The following STAB2 variants were observed in gnomAD, a reference collection of about 807,000 sequenced individuals.
STAB2 encodes stabilin-2.
Under a neutral mutation model 338.1 loss-of-function variants are expected in STAB2, and 288 were observed. The ratio of observed to expected loss-of-function variants is 0.85; its 90% confidence interval spans 0.77 to 0.94. The LOEUF is 0.94. STAB2 is among the 40% of genes least tolerant of loss of function. STAB2 has a pLI of 0.00. For missense variants in STAB2, 3,141 were observed against 3,210.1 expected (o/e 0.98, Z 0.52); for synonymous variants, 1,202 against 1,193.3 (o/e 1.01, Z -0.15).
At chr12:103,686,991 T>G (rs1877493578) in intron 27 of STAB2, among the ~76,000 whole-genome samples, 1 of 152,216 alleles carries the variant, frequency 6.6e-6, no homozygotes, top group Admixed American at 6.5e-5. Flanking sequence ...TTATTCACTT[T>G]CTTGCTAACT....
At chr12:103,682,328 C>T (rs1237217370) in intron 25 of STAB2, among the ~76,000 whole-genome samples, 1 of 152,136 alleles carries the variant, frequency 6.6e-6, no homozygotes, top group East Asian at 1.9e-4. Context: ...AGAAATCAGG[C>T]CAGGGGAGGA....
At chr12:103,741,867 CCATT>C (rs1276779011) in intron 55 of STAB2, among the ~76,000 whole-genome samples, 5 of 152,204 alleles carry the variant, frequency 3.3e-5, no homozygotes, top group African/African-American at 1.2e-4. Context: ...CATGCATACT[CCATT>C]CATCATAATC....
intron 18 of STAB2, 138 bp downstream of exon 18, chr12:103,663,136 A>T (rs1874768111): frequency 2.8e-6 from 3 of 1,085,718 alleles, no homozygotes; most frequent in East Asian, 2.5e-5. Context: ...TTCCGTCTTC[A>T]TGAAGATGCA....
Position 103,706,809 on chromosome 12 carries a change from C to T in STAB2, c.4014C>T (p.Ala1338=), listed in dbSNP as rs142762567. Residue 1338 remains alanine (A), a synonymous_variant, in exon 38 of 69, where the codon GCC becomes GCT. Transcript: ENST00000388887. ...VRTVITRECC[A]GFFGPQCQPC... ...TGTTTCAGACGAGAGAATGCTGTGC[C>T]GGCTTCTTTGGCCCCCAATGCCAGC... 3.1e-5 allele frequency: 50 copies of T among 1,614,220 alleles called. No individual in the cohort carries two copies. Among genetic ancestry groups the T allele is most frequent in the Middle Eastern group, 1.6e-4 (1 of 6,062 alleles).
chr12:103,622,149 G>T (rs1281214898), intron 5 of STAB2, 38 bp downstream of exon 5: 3 of 1,603,522 alleles, frequency 1.9e-6, no homozygotes, highest in African/African-American at 2.7e-5. Flanking sequence ...CATTTGTAAG[G>T]GTTGACAGTC....
At chr12:103,720,302 C>G (rs908262995) in intron 44 of STAB2, among the ~76,000 whole-genome samples, 4 of 152,208 alleles carry the variant, frequency 2.6e-5, no homozygotes, top group African/African-American at 7.2e-5. Flanking sequence ...TTTTGCTACT[C>G]TATCTCAGCA....
intron 44 of STAB2, among the ~76,000 whole-genome samples, chr12:103,719,631 TCTC>T (rs1880597465): frequency 6.6e-6 from 1 of 152,198 alleles, no homozygotes; most frequent in Admixed American, 6.5e-5. Context: ...ATCTGTGTCT[TCTC>T]CTCTTGCAAG....
intron 33 of STAB2, among the ~76,000 whole-genome samples, chr12:103,698,775 G>T (rs1878613721): frequency 6.6e-6 from 1 of 152,034 alleles, no homozygotes; most frequent in Non-Finnish European, 1.5e-5. Flanking sequence ...TGGGGTGTGG[G>T]GACTCTAACT....
chr12:103,744,812 C>T (rs1593316724), intron 56 of STAB2, among the ~76,000 whole-genome samples: 2 of 152,186 alleles, frequency 1.3e-5, no homozygotes, highest in Admixed American at 1.3e-4. Context: ...TCAGGAAGCC[C>T]CAGATGAGAT....
At chr12:103,632,627 A>G (rs1412570456) in intron 6 of STAB2, among the ~76,000 whole-genome samples, 2 of 152,214 alleles carry the variant, frequency 1.3e-5, no homozygotes, top group Non-Finnish European at 2.9e-5. Context: ...CAAGGATGCA[A>G]GGTCAGCCAC....
rs567747146 is a variant in STAB2 at position 103,618,809 on chromosome 12, T to A, written c.332-1659T>A. On this transcript the variant is annotated intron_variant, in intron 3 of 68. Coordinates refer to ENST00000388887, the MANE Select transcript of STAB2 (RefSeq NM_017564.10). ...AATGCATCCTTTATTATTATTGATATGGCTTGGCTCTGTGTCCCCACCCAG... is the reference window on the plus strand; with the variant it reads ...AATGCATCCTTTATTATTATTGATAAGGCTTGGCTCTGTGTCCCCACCCAG... Among the ~76,000 whole-genome samples, 14 of 152,264 alleles carry A rather than the reference T, an allele frequency of 9.2e-5. No homozygotes were observed. In the South Asian group the frequency reaches 2.9e-3, roughly 32 times the overall value.
At chr12:103,740,552 A>G in intron 54 of STAB2, 78 bp from the exon 55 acceptor site, 5 of 1,535,552 alleles carry the variant, frequency 3.3e-6, no homozygotes, top group Non-Finnish European at 4.3e-6. Context: ...TAAGACCTCC[A>G]TGAGGGCACA....
At chr12:103,751,882 C>T (rs1187231602) in intron 60 of STAB2, among the ~76,000 whole-genome samples, 1 of 152,194 alleles carries the variant, frequency 6.6e-6, no homozygotes, top group Non-Finnish European at 1.5e-5. Context: ...GACCTCCCTT[C>T]TGTTGGAGCT....
At chr12:103,720,668 G>A (rs182669950) in intron 44 of STAB2, among the ~76,000 whole-genome samples, 41 of 152,344 alleles carry the variant, frequency 2.7e-4, no homozygotes, top group African/African-American at 8.9e-4. Context: ...AACAAGGACT[G>A]TGAAACATTG....
chr12:103,737,241 A>AG (rs1477565286), intron 52 of STAB2, among the ~76,000 whole-genome samples: 8 of 152,158 alleles, frequency 5.3e-5, no homozygotes, highest in Admixed American at 5.2e-4. Context: ...AGAGGGTTCA[A>AG]GGGGGCAGGC....
At chr12:103,690,662 C>T in intron 30 of STAB2, 124 bp downstream of exon 30, 2 of 725,036 alleles carry the variant, frequency 2.8e-6, no homozygotes, top group Non-Finnish European at 4.6e-6. Flanking sequence ...CAGAATCCCT[C>T]ATGTGGGCAT....
chr12:103,660,862 C>T lies in STAB2; in HGVS notation c.1869+99C>T, dbSNP rs1483478031. The T allele has an allele frequency of 3.1e-6, 4 of 1,272,584 alleles. No homozygotes were observed. The East Asian group carries it at 9.3e-5, about 30-fold the overall frequency. The allele number at this position is 1,272,584 out of a possible 1,614,324, so 78.8% of individuals were successfully genotyped here. A position where few individuals can be genotyped will look rare whatever the true frequency, so the allele number is the denominator to read the frequency against. ...TCCTGCCTCTATGCTAACTCATGGG[C>T]TTAAAATCTTTATGATTATTTCATT... On this transcript the variant is annotated intron_variant, in intron 17 of 68. Transcript: ENST00000388887.
Position 103,699,239 on chromosome 12 carries a change from T to C in STAB2, c.3714+12T>C, listed in dbSNP as rs1188143436. The C allele has an allele frequency of 1.2e-6, 2 of 1,605,346 alleles. No homozygotes were observed. On this transcript the variant is annotated intron_variant, in intron 34 of 68. Coordinates refer to ENST00000388887, the MANE Select transcript of STAB2 (RefSeq NM_017564.10). ...TCCATAATGACCAGGTACGATCCTT[T>C]TATGTAAAACCCCAGCAATGCCACC...
chr12:103,671,919 T>C (rs559847655), intron 22 of STAB2, among the ~76,000 whole-genome samples: 1 of 152,334 alleles, frequency 6.6e-6, no homozygotes, highest in South Asian at 2.1e-4. Flanking sequence ...TAACAGCTCG[T>C]TGTGGAGTCA....
Sources: allele counts gnomAD v4.1 joint callset (sites outside exome capture counted in the v4.1 genomes callset), GRCh38; gene constraint gnomAD v4.1.1; transcripts MANE v1.5; gene names NCBI Gene and HGNC (gene_info 2026-07-23, HGNC 2026-07-21).